Variants in TBC1D16 observed in about 807,000 individuals in gnomAD.
The protein encoded by TBC1D16 is CTD-2529O21.1.
A neutral mutation model predicts 74.7 loss-of-function variants in TBC1D16; 58 were observed. The ratio of observed to expected loss-of-function variants is 0.78; its 90% CI spans 0.63 to 0.97. TBC1D16 has a LOEUF of 0.97. TBC1D16 is among the 50% of genes least tolerant of loss of function. TBC1D16 has a pLI of 0.00. For missense variants in TBC1D16, 1,014 were observed against 1,079.5 expected, an observed-to-expected ratio of 0.94 and a Z score of 0.85; for synonymous variants, 493 against 474.7, an observed-to-expected ratio of 1.04 and a Z score of -0.50.
intron 3 of TBC1D16, among the ~76,000 whole-genome samples, chr17:79,962,202 T>G (rs1191097472): frequency 8.1e-5 from 1 of 12,404 alleles, no homozygotes; most frequent in Non-Finnish European, 1.3e-4. Flanking sequence ...TCTCAACCTA[T>G]TTTTTTTTTT....
intron 1 of TBC1D16, among the ~76,000 whole-genome samples, chr17:80,022,238 T>C (rs1598438810): frequency 6.7e-6 from 1 of 150,208 alleles, no homozygotes; most frequent in East Asian, 1.9e-4. Context: ...GTTTATGTTG[T>C]TTTTATTGCT....
At chr17:80,003,976 G>A (rs1191858901) in intron 3 of TBC1D16, among the ~76,000 whole-genome samples, 1 of 152,266 alleles carries the variant, frequency 6.6e-6, no homozygotes, top group African/African-American at 2.4e-5. Flanking sequence ...TCGAGCCCGG[G>A]AGGTGGAGGC....
At chr17:80,006,328 G>C (rs545133780) in intron 3 of TBC1D16, among the ~76,000 whole-genome samples, 1 of 152,260 alleles carries the variant, frequency 6.6e-6, no homozygotes, top group South Asian at 2.1e-4. Context: ...CCATGCCTGG[G>C]CGCCACCCCA....
intron 3 of TBC1D16, among the ~76,000 whole-genome samples, chr17:79,958,731 G>A (rs1421666323): frequency 6.6e-6 from 1 of 152,208 alleles, no homozygotes; most frequent in East Asian, 1.9e-4. Context: ...AACTAGGAAT[G>A]GAAGAGAAGC....
chr17:79,950,686 G>C lies in TBC1D16; in HGVS notation c.1090-108C>G. ...AGCCTCTCTCTCTTCTGAAAGGAGG[G>C]CAAGGGCCGTCCCCTGCATACAAAC... On this transcript the variant is annotated intron_variant, in intron 5 of 11. Coordinates refer to ENST00000310924, the MANE Select transcript of TBC1D16 (RefSeq NM_019020.4). This position sits in a 1 kb window ranked among gnomAD's most constrained non-coding sequence, Gnocchi z 4.6. The C allele has an allele frequency of 6.5e-7, 1 of 1,548,046 alleles. No individual in the cohort carries two copies. The highest frequency in any genetic ancestry group is 8.7e-7 in the Non-Finnish European group (1 of 1,144,424).
rs1170115455 is a variant in TBC1D16, at chr17:79,956,101, G to A, written c.780-3283C>T. ...AACTGGCAGTCAGCACCAGAGCCCC[G>A]ACACCTGTCAATGGAGGCCGTTCCA... is the stretch of plus-strand genomic sequence containing the variant. On this transcript the variant is annotated intron_variant, in intron 3 of 11. Transcript: ENST00000310924. This position sits in a 1 kb window ranked among gnomAD's most constrained non-coding sequence, Gnocchi z 4.0. 6.6e-6 allele frequency among the ~76,000 whole-genome samples: 1 copy of A among 152,126 alleles called. No homozygotes were observed. Among genetic ancestry groups the A allele is most frequent in the Non-Finnish European group, 1.5e-5 (1 of 68,016 alleles).
rs1384745211 is a variant in TBC1D16 at position 79,993,989 on chromosome 17, T to C, written c.779+16171A>G. Among the ~76,000 whole-genome samples, 1 of 152,112 alleles carries C rather than the reference T, an allele frequency of 6.6e-6. No individual in the cohort carries two copies. The highest frequency in any genetic ancestry group is 1.5e-5 in the Non-Finnish European group (1 of 68,010). ...CTGACAAGTTTCATTTCCCTGACCTTGGACAGCCCTCCTGATGCAGGGAGC... is the reference window on the plus strand; with the variant it reads ...CTGACAAGTTTCATTTCCCTGACCTCGGACAGCCCTCCTGATGCAGGGAGC... On this transcript the variant is annotated intron_variant, in intron 3 of 11. Transcript: ENST00000310924. The surrounding 1 kb of genome is among the most constrained non-coding windows in gnomAD (Gnocchi z 5.1).
rs2035431837 is a variant in TBC1D16, at chr17:80,000,200, TG to T, written c.779+9959del. Among the ~76,000 whole-genome samples, 4 of 152,232 alleles carry T rather than the reference TG, an allele frequency of 2.6e-5. No homozygotes were observed. In the South Asian group the frequency reaches 6.2e-4, roughly 24 times the overall value. ...TTCAGGTTGGCACCCATAGAGCATA[TG>T]CCGCGGTGAACAGTGCTCCCCCAAG... On this transcript the variant is annotated intron_variant, in intron 3 of 11. Transcript: ENST00000310924. This position sits in a 1 kb window ranked among gnomAD's most constrained non-coding sequence, Gnocchi z 4.1.
rs1056289360 is a variant in TBC1D16 at position 79,949,234 on chromosome 17, G to A, written c.1407-228C>T. ...TCACAGTCTCCAGCGTCCCAGGAAG[G>A]AGAGCAAGTTGCAGCCCAGTGGGTA... On this transcript the variant is annotated intron_variant, in intron 7 of 11. Coordinates refer to ENST00000310924, the MANE Select transcript of TBC1D16 (RefSeq NM_019020.4). Among the ~76,000 whole-genome samples the A allele has an allele frequency of 2.0e-5, 3 of 152,272 alleles. No individual in the cohort carries two copies. In the East Asian group the frequency reaches 5.8e-4, roughly 29 times the overall value.
Position 79,947,628 on chromosome 17 carries a change from AT to A in TBC1D16, c.1728+16del. 1.2e-6 allele frequency: 2 copies of A among 1,613,368 alleles called. No homozygotes were observed. Among genetic ancestry groups the A allele is most frequent in the Non-Finnish European group, 1.7e-6 (2 of 1,179,530 alleles). The stretch of plus-strand genomic sequence containing the variant: ...CCCTCACATGCCCTTGGACGCACCC[AT>A]CCCCCTGAGCCTCACCAGTTGTTTC... On this transcript the variant is annotated intron_variant, in intron 9 of 11. Coordinates refer to ENST00000310924, the MANE Select transcript of TBC1D16 (RefSeq NM_019020.4).
chr17:79,941,890 A>G lies in TBC1D16; in HGVS notation c.2055+170T>C, dbSNP rs1481207938. Among the ~76,000 whole-genome samples, 3 of 145,838 alleles carry G rather than the reference A, an allele frequency of 2.1e-5. No homozygotes were observed. Among genetic ancestry groups the G allele is most frequent in the African/African-American group, 7.9e-5 (3 of 38,176 alleles). ...TGCTGACCACGAGGCCTTAGTGGGG[A>G]GCCCCCAGTGCTATGGGTGGGGGAG... On this transcript the variant is annotated intron_variant, in intron 11 of 11. Coordinates refer to ENST00000310924, the MANE Select transcript of TBC1D16 (RefSeq NM_019020.4). This position sits in a 1 kb window ranked among gnomAD's most constrained non-coding sequence, Gnocchi z 4.3.
Position 79,951,471 on chromosome 17 carries a change from G to C in TBC1D16, c.1068C>G (p.Thr356=), listed in dbSNP as rs546279816. Residue 356 remains threonine, a synonymous_variant, in exon 5 of 12, where the codon ACC becomes ACG. Transcript: ENST00000310924. ...CTACCTGGTCTTTGAGCTGCATCTC[G>C]GTGCAGTATTTCCACTGCTGGAACA... ...SDVFQQWKYC[T]EMQLKDQQVA... is the part of the protein sequence containing the mutation. 2.6e-5 allele frequency: 42 copies of C among 1,613,700 alleles called. No individual in the cohort carries two copies. Among genetic ancestry groups the C allele is most frequent in the African/African-American group, 4.0e-5 (3 of 74,870 alleles).
chr17:80,022,863 G>A (rs1353738172), intron 1 of TBC1D16, among the ~76,000 whole-genome samples: 1 of 149,464 alleles, frequency 6.7e-6, no homozygotes, highest in Non-Finnish European at 1.5e-5. Flanking sequence ...TCAAACTCCT[G>A]ACCTCAGGTG....
Position 79,944,168 on chromosome 17 carries a change from G to C in TBC1D16, c.1908+740C>G. 6.5e-7 allele frequency: 1 copy of C among 1,532,548 alleles called. No individual in the cohort carries two copies. The highest frequency in any genetic ancestry group is 8.7e-7 in the Non-Finnish European group (1 of 1,143,788). 94.9% of individuals were successfully genotyped at this position (1,532,548 alleles called of 1,614,324 possible). On this transcript the variant is annotated intron_variant, in intron 10 of 11. Transcript: ENST00000310924. The surrounding 1 kb of genome is among the most constrained non-coding windows in gnomAD (Gnocchi z 7.7). ...AATGTCTTCCAGCAGATGGGTGTTT[G>C]CCTCCATCTTCAGGGTTCTCTGACG... is the stretch of plus-strand genomic sequence containing the variant.
rs1268431806 is a variant in TBC1D16, at chr17:79,937,963, TAA to T, written c.*2894_*2895del. The stretch of plus-strand genomic sequence containing the variant: ...ACACACGTACGCCAGCCAATAACAT[TAA>T]GTGTCATTTTAAAAAATGGGTTAAA... On this transcript the variant is annotated 3_prime_UTR_variant, in exon 12 of 12. Coordinates refer to ENST00000310924, the MANE Select transcript of TBC1D16 (RefSeq NM_019020.4). The T allele has an allele frequency of 6.6e-6, 1 of 152,170 alleles. No homozygotes were observed. The highest frequency in any genetic ancestry group is 2.1e-4 in the South Asian group (1 of 4,828). 9.4% of individuals were successfully genotyped at this position (152,170 alleles called of 1,614,324 possible).
chr17:79,952,647 T>C lies in TBC1D16; in HGVS notation c.941+10A>G. 4 of 1,585,142 alleles carry C rather than the reference T, an allele frequency of 2.5e-6. No individual in the cohort carries two copies. The highest frequency in any genetic ancestry group is 3.4e-6 in the Non-Finnish European group (4 of 1,159,822). On this transcript the variant is annotated intron_variant, in intron 4 of 11. Transcript: ENST00000310924. The stretch of plus-strand genomic sequence containing the variant: ...CCAACTCCCAGGAGGCGCCCAGAGA[T>C]GCTTCCTACCTGAAGAAAAGGCGGA...
Position 79,993,861 on chromosome 17 carries a change from C to T in TBC1D16, c.779+16299G>A, listed in dbSNP as rs547274418. The stretch of plus-strand genomic sequence containing the variant: ...GTGTATTCAGAGCAGCTCAGCCCCT[C>T]GAGAGCACCAGGAGCCCCCAGCCCC... On this transcript the variant is annotated intron_variant, in intron 3 of 11. Coordinates refer to ENST00000310924, the MANE Select transcript of TBC1D16 (RefSeq NM_019020.4). This position sits in a 1 kb window ranked among gnomAD's most constrained non-coding sequence, Gnocchi z 5.1. Among the ~76,000 whole-genome samples, 3 of 152,002 alleles carry T rather than the reference C, an allele frequency of 2.0e-5. No homozygotes were observed. Among genetic ancestry groups the T allele is most frequent in the African/African-American group, 4.8e-5 (2 of 41,460 alleles).
rs1255941829 is a variant in TBC1D16, at chr17:79,950,962, G to A, written c.1090-384C>T. On this transcript the variant is annotated intron_variant, in intron 5 of 11. Coordinates refer to ENST00000310924, the MANE Select transcript of TBC1D16 (RefSeq NM_019020.4). This position sits in a 1 kb window ranked among gnomAD's most constrained non-coding sequence, Gnocchi z 4.6. ...TGTTCTGCGAGCAGGGAGCCAGCCTGTCAGATTGCCTCCGCGAGCAGTCAC... is the reference window on the plus strand; with the variant it reads ...TGTTCTGCGAGCAGGGAGCCAGCCTATCAGATTGCCTCCGCGAGCAGTCAC... 3.9e-6 allele frequency: 4 copies of A among 1,026,936 alleles called. No homozygotes were observed. In the African/African-American group the frequency reaches 4.9e-5, roughly 13 times the overall value. 63.6% of individuals were successfully genotyped at this position (1,026,936 alleles called of 1,614,324 possible).
At chr17:79,951,092 G>A (rs965186417) in intron 5 of TBC1D16, among the ~76,000 whole-genome samples, 28 of 152,228 alleles carry the variant, frequency 1.8e-4, no homozygotes, top group African/African-American at 6.8e-4. Flanking sequence ...GCCAGCAGGA[G>A]GCTCTGCGGG....
Sources: gnomAD v4.1 joint callset for allele counts (sites outside exome capture counted in the v4.1 genomes callset) on GRCh38, gnomAD v4.1.1 for gene constraint, Gnocchi (gnomAD v3.1) non-coding constraint, MANE v1.5 for transcripts, NCBI Gene and HGNC (gene_info 2026-07-23, HGNC 2026-07-21) for gene names.